Variants in CBL observed in about 807,000 individuals in gnomAD.
CBL encodes the protein Cbl proto-oncogene, also known as E3 ubiquitin-protein ligase CBL.
In CBL, 45 loss-of-function variants were observed where a neutral mutation model predicts 96.9. That is an observed-to-expected ratio of 0.46 (90% CI 0.37 to 0.60). CBL has a LOEUF of 0.60. CBL is among the 20% of genes least tolerant of loss of function. The pLI, the probability that CBL is intolerant of heterozygous loss-of-function variation, is 0.00. For missense variants in CBL, 1,024 were observed against 1,143.5 expected, an observed-to-expected ratio of 0.90 and a Z score of 1.51; for synonymous variants, 420 against 426.8, an observed-to-expected ratio of 0.98 and a Z score of 0.20.
rs587778154 is a variant in CBL, at chr11:119,296,931, C to T, written c.2050C>T (p.Pro684Ser). ...TTCATCTTCCAGACCTCTTCCTGTG[C>T]CAAAACTGCCACCTGGGGAGCAATG... ...YSLAARPLPV[P>S]KLPPGEQCEG... Residue 684 changes from proline to serine, a missense_variant, in exon 13 of 16, where the codon CCA becomes TCA. By Grantham distance (74) the Pro-to-Ser change is moderately conservative. Coordinates refer to ENST00000264033, the MANE Select transcript of CBL (RefSeq NM_005188.4). The T allele has an allele frequency of 2.1e-5, 34 of 1,595,448 alleles. No individual in the cohort carries two copies. The highest frequency in any genetic ancestry group is 2.8e-5 in the Non-Finnish European group (33 of 1,163,040).
At chr11:119,240,346 G>A (rs1380959020) in intron 2 of CBL, among the ~76,000 whole-genome samples, 3 of 151,788 alleles carry the variant, frequency 2.0e-5, no homozygotes. Flanking sequence ...TGCACTAAAG[G>A]CAAGAATGCA....
At chr11:119,273,771 G>C in intron 3 of CBL, 97 bp from the exon 4 acceptor site, 1 of 1,039,018 alleles carries the variant, frequency 9.6e-7, no homozygotes, top group Non-Finnish European at 1.5e-6. Flanking sequence ...TTGGTATTGA[G>C]AGCTTAATGT....
At chr11:119,237,163 T>C (rs1000834951) in intron 2 of CBL, among the ~76,000 whole-genome samples, 8 of 152,236 alleles carry the variant, frequency 5.3e-5, no homozygotes, top group African/African-American at 1.9e-4. Context: ...TTCAGTACTA[T>C]CTGTGGTTTC....
intron 1 of CBL, among the ~76,000 whole-genome samples, chr11:119,209,631 G>T (rs1181985638): frequency 3.3e-5 from 5 of 151,338 alleles, no homozygotes; most frequent in Admixed American, 3.3e-4. Context: ...AAAAAAAAAA[G>T]TCTGTTTAAT....
chr11:119,266,152 A>G (rs1483887424), intron 2 of CBL, among the ~76,000 whole-genome samples: 1 of 152,096 alleles, frequency 6.6e-6, no homozygotes, highest in Non-Finnish European at 1.5e-5. Flanking sequence ...CCTTGTCTTA[A>G]ATGTTAATAA....
At chr11:119,289,543 C>T (rs1455877159) in intron 12 of CBL, 1 of 145,896 alleles carries the variant, frequency 6.9e-6, no homozygotes, top group Non-Finnish European at 1.5e-5. Context: ...CATTTCACTC[C>T]TCTATTTTTT....
chr11:119,274,015 A>C lies in CBL; in HGVS notation c.738A>C (p.Arg246=). Residue 246 remains arginine (R), a synonymous_variant, in exon 4 of 16, where the codon CGA becomes CGC. Transcript: ENST00000264033. ...TTTTTGAATTTGACATCTTTACCCG[A>C]CTCTTTCAGGTAGGACACTAAAAAA... is the stretch of plus-strand genomic sequence containing the variant. ...ISVFEFDIFT[R]LFQPWSSLLR... is the part of the protein sequence containing the mutation. The C allele has an allele frequency of 6.2e-7, 1 of 1,610,588 alleles. No individual in the cohort carries two copies. Among genetic ancestry groups the C allele is most frequent in the South Asian group, 1.1e-5 (1 of 90,998 alleles).
chr11:119,303,662 C>G lies in CBL; in HGVS notation c.*3881C>G, dbSNP rs1032358418. ...AGCTTTGATAATGCCTGGGAGATTC[C>G]TTGGTGTAAGTGTCATGGATACCGA... is the stretch of plus-strand genomic sequence containing the variant. On this transcript the variant is annotated 3_prime_UTR_variant, in exon 16 of 16. Transcript: ENST00000264033. 4.3e-6 allele frequency: 1 copy of G among 233,562 alleles called. No homozygotes were observed. Among genetic ancestry groups the G allele is most frequent in the Admixed American group, 5.6e-5 (1 of 17,774 alleles). The allele number at this position is 233,562 out of a possible 1,614,324, so 14.5% of individuals were successfully genotyped here.
At position 119,297,460 on chromosome 11, in the gene CBL, A is replaced by G. The variant is rs1422371091; in HGVS notation, c.2230A>G (p.Ile744Val). 31 of 1,612,932 alleles carry G rather than the reference A, an allele frequency of 1.9e-5. No homozygotes were observed. The highest frequency in any genetic ancestry group is 4.5e-5 in the East Asian group (2 of 44,896). Residue 744 changes from isoleucine (I) to valine (V), a missense_variant, in exon 14 of 16, where the codon ATC becomes GTC. By Grantham distance (29) the Ile-to-Val change is conservative. Transcript: ENST00000264033. ...TAATATTCAGTCCCAGGCGCCATCT[A>G]TCACCGAGAGCAGCACCTTTGGTAA... ...MYNIQSQAPSITESSTFGEGN... is the reference protein window; with the variant it reads ...MYNIQSQAPSVTESSTFGEGN...
intron 2 of CBL, among the ~76,000 whole-genome samples, chr11:119,248,154 C>T (rs922038809): frequency 1.3e-5 from 2 of 152,118 alleles, no homozygotes; most frequent in Non-Finnish European, 2.9e-5. Flanking sequence ...TCTTAAGGGA[C>T]CTCAAATAGC....
At position 119,229,443 on chromosome 11, in the gene CBL, G is replaced by T. The variant is rs961047497; in HGVS notation, c.196-3005G>T. ...GTTTTTGTTGATTCAGCTTGTCTTT[G>T]TTTGCTAGGCTTATATATGGGGCTA... is the stretch of plus-strand genomic sequence containing the variant. On this transcript the variant is annotated intron_variant, in intron 1 of 15. Coordinates refer to ENST00000264033, the MANE Select transcript of CBL (RefSeq NM_005188.4). Among the ~76,000 whole-genome samples the T allele has an allele frequency of 2.0e-5, 3 of 152,082 alleles. 1 individual carries two copies. Among genetic ancestry groups the T allele is most frequent in the Admixed American group, 2.0e-4 (3 of 15,256 alleles).
Position 119,298,547 on chromosome 11 carries a change from C to T in CBL, c.2434+7C>T, listed in dbSNP as rs1215704212. 6.2e-7 allele frequency: 1 copy of T among 1,613,448 alleles called. No individual in the cohort carries two copies. Among genetic ancestry groups the T allele is most frequent in the Non-Finnish European group, 8.5e-7 (1 of 1,179,482 alleles). On this transcript the variant is annotated splice_region_variant and intron_variant, in intron 15 of 15. Coordinates refer to ENST00000264033, the MANE Select transcript of CBL (RefSeq NM_005188.4). ...GATGGTGATCCTACAACAAGTGAGTCTCCAGACTACTTTGGGTTTGTCCTG... is the reference window on the plus strand; with the variant it reads ...GATGGTGATCCTACAACAAGTGAGTTTCCAGACTACTTTGGGTTTGTCCTG...
At chr11:119,215,826 C>G (rs1203995901) in intron 1 of CBL, among the ~76,000 whole-genome samples, 1 of 146,856 alleles carries the variant, frequency 6.8e-6, no homozygotes, top group Non-Finnish European at 1.5e-5. Context: ...GACTCTGTCT[C>G]AAAAAAGAAA....
At chr11:119,263,698 A>G (rs1436231063) in intron 2 of CBL, among the ~76,000 whole-genome samples, 1 of 152,202 alleles carries the variant, frequency 6.6e-6, no homozygotes, top group African/African-American at 2.4e-5. Flanking sequence ...AGTCGATGAT[A>G]AGAGTTAAAC....
At chr11:119,224,679 C>T (rs1268319869) in intron 1 of CBL, among the ~76,000 whole-genome samples, 1 of 152,076 alleles carries the variant, frequency 6.6e-6, no homozygotes, top group African/African-American at 2.4e-5. Context: ...CAACCTCTGC[C>T]TCCCGGGTTC....
In CBL at chr11:119,275,892, A is replaced by G. The variant is rs191230616; in HGVS notation, c.870-105A>G. 4.5e-6 allele frequency: 5 copies of G among 1,102,358 alleles called. No individual in the cohort carries two copies. In the South Asian group the frequency reaches 5.0e-5, roughly 11 times the overall value. The allele number at this position is 1,102,358 out of a possible 1,614,324, so 68.3% of individuals were successfully genotyped here. On this transcript the variant is annotated intron_variant, in intron 5 of 15. Transcript: ENST00000264033. ...AAGAAAGAAAGAAAGGAAGAAAGTT[A>G]TTGTTATTCTTGATGGTTCTTTTGA...
At chr11:119,213,638 A>T (rs1949335462) in intron 1 of CBL, among the ~76,000 whole-genome samples, 1 of 151,906 alleles carries the variant, frequency 6.6e-6, no homozygotes, top group Non-Finnish European at 1.5e-5. Flanking sequence ...GGATTTATTT[A>T]TTTATTTTTT....
At chr11:119,228,766 C>G (rs752457767) in intron 1 of CBL, among the ~76,000 whole-genome samples, 2 of 151,778 alleles carry the variant, frequency 1.3e-5, no homozygotes, top group Non-Finnish European at 2.9e-5. Flanking sequence ...CTGAGACTTA[C>G]ACCCACACCA....
At chr11:119,295,709 A>C (rs986207710) in intron 12 of CBL, among the ~76,000 whole-genome samples, 15 of 152,124 alleles carry the variant, frequency 9.9e-5, no homozygotes, top group Admixed American at 9.8e-4. Context: ...CGAAAAATCT[A>C]GGTGTTTCTT....
Sources: allele counts gnomAD v4.1 joint callset (sites outside exome capture counted in the v4.1 genomes callset), GRCh38; gene constraint gnomAD v4.1.1; transcripts MANE v1.5; gene names NCBI Gene and HGNC (gene_info 2026-07-23, HGNC 2026-07-21).